Variants in PCDH15 observed in about 807,000 individuals in gnomAD.
PCDH15 encodes protocadherin related 15, also known as protocadherin-15.
PCDH15 carries 129 observed loss-of-function variants against 178.5 expected under a neutral mutation model. The ratio of observed to expected loss-of-function variants is 0.72; its 90% CI spans 0.63 to 0.84. The LOEUF (loss-of-function observed/expected upper bound fraction) is 0.84, where lower values mean the gene tolerates loss of function less well. Among genes scored for constraint, PCDH15 ranks in the 40% least tolerant of loss-of-function variants. The pLI is 0.00. For synonymous variants in PCDH15, 800 were observed against 732.0 expected (o/e 1.09, Z -1.50); for missense variants, 2,230 against 2,099.9 (o/e 1.06, Z -1.21).
At chr10:53,925,479 G>C (rs2084449213) in intron 25 of PCDH15, among the ~76,000 whole-genome samples, 1 of 152,206 alleles carries the variant, frequency 6.6e-6, no homozygotes, top group African/African-American at 2.4e-5. Flanking sequence ...CTCACCGCGA[G>C]GGTCCGCGGC....
rs772142681 is a variant in PCDH15 at position 55,391,245 on chromosome 10, C to CTTT, written c.-155-224597_-155-224595dup. ...TTGAATTTTTATGTTACAGAGACAG[C>CTTT]TTTTTTTTTTTTTTAACCTCATGAA... is the stretch of plus-strand genomic sequence containing the variant. On this transcript the variant is annotated intron_variant, in intron 2 of 5. Coordinates refer to the PCDH15 transcript ENST00000613346. Among the ~76,000 whole-genome samples, 295 of 143,900 alleles carry CTTT rather than the reference C, an allele frequency of 2.1e-3. 1 individual carries two copies. Among genetic ancestry groups the CTTT allele is most frequent in the African/African-American group, 5.5e-3 (216 of 39,454 alleles). 94.4% of individuals were successfully genotyped at this position (143,900 alleles called of 152,430 possible). A position where few individuals can be genotyped will look rare whatever the true frequency, so the allele number is the denominator to read the frequency against.
At chr10:55,552,928 C>A (rs189449590) in intron 2 of PCDH15, among the ~76,000 whole-genome samples, 2 of 151,582 alleles carry the variant, frequency 1.3e-5, no homozygotes, top group East Asian at 3.9e-4. Context: ...TCCATGTAAT[C>A]TTGTGAAGAA....
intron 6 of PCDH15, among the ~76,000 whole-genome samples, chr10:54,341,518 A>G (rs117353598): frequency 1.3e-5 from 2 of 152,280 alleles, no homozygotes; most frequent in East Asian, 3.9e-4. Flanking sequence ...CTCAGGTAGT[A>G]TCTTTATAGC....
At chr10:54,006,246 T>C (rs1028872620) in intron 20 of PCDH15, among the ~76,000 whole-genome samples, 2 of 152,162 alleles carry the variant, frequency 1.3e-5, no homozygotes, top group African/African-American at 4.8e-5. Flanking sequence ...TCTCCTGCTA[T>C]CACCAAGTTC....
At chr10:53,958,056 G>A (rs539789914) in intron 23 of PCDH15, among the ~76,000 whole-genome samples, 2 of 152,272 alleles carry the variant, frequency 1.3e-5, no homozygotes, top group South Asian at 2.1e-4. Flanking sequence ...AGTGGGTTAA[G>A]TGCTTGCAGA....
At chr10:54,879,008 A>G (rs1954207927) in intron 3 of PCDH15, among the ~76,000 whole-genome samples, 1 of 152,202 alleles carries the variant, frequency 6.6e-6, no homozygotes, top group African/African-American at 2.4e-5. Context: ...TTATAAAACT[A>G]CATCCTAGCA....
At chr10:55,058,527 T>G (rs769814027) in intron 2 of PCDH15, among the ~76,000 whole-genome samples, 4 of 152,114 alleles carry the variant, frequency 2.6e-5, no homozygotes, top group Non-Finnish European at 4.4e-5. Flanking sequence ...CTACTTTAAA[T>G]TGCAAACATC....
At chr10:54,150,778 GTTTCT>G (rs1257239252) in intron 14 of PCDH15, among the ~76,000 whole-genome samples, 4 of 151,562 alleles carry the variant, frequency 2.6e-5, no homozygotes, top group Non-Finnish European at 5.9e-5. Flanking sequence ...GTTTTTATTT[GTTTCT>G]TTTATGAAGT....
At chr10:55,031,618 T>C (rs1840612412) in intron 2 of PCDH15, among the ~76,000 whole-genome samples, 3 of 152,174 alleles carry the variant, frequency 2.0e-5, no homozygotes, top group South Asian at 4.1e-4. Flanking sequence ...ATTCAGATGT[T>C]GCCAATGTGA....
At chr10:55,104,692 T>C (rs532436166) in intron 2 of PCDH15, among the ~76,000 whole-genome samples, 9 of 152,354 alleles carry the variant, frequency 5.9e-5, no homozygotes, top group African/African-American at 2.2e-4. Flanking sequence ...TAGGTACTAC[T>C]GTACCTCAAT....
In PCDH15 at chr10:55,369,010, CAAAAAA is replaced by C. The variant is rs60906060; in HGVS notation, c.-155-202365_-155-202360del. On this transcript the variant is annotated intron_variant, in intron 2 of 5. Transcript: ENST00000613346. Reference sequence around the variant, plus strand: ...ATAGTCCTGATCTCATTTTTGGGACCAAAAAAAAAAAAAAAAAAAAAAACCCCAGCA... The same window carrying C: ...ATAGTCCTGATCTCATTTTTGGGACCAAAAAAAAAAAAAAAAACCCCAGCA... Among the ~76,000 whole-genome samples the C allele has an allele frequency of 1.5e-4, 13 of 86,180 alleles. No individual in the cohort carries two copies. In the South Asian group the frequency reaches 4.0e-3, roughly 26 times the overall value. The allele number at this position is 86,180 out of a possible 152,430, so 56.5% of individuals were successfully genotyped here.
At chr10:54,008,831 G>C (rs1589884931) in intron 20 of PCDH15, among the ~76,000 whole-genome samples, 1 of 152,038 alleles carries the variant, frequency 6.6e-6, no homozygotes, top group African/African-American at 2.4e-5. Flanking sequence ...AGTAAACCAA[G>C]GCAAATTTTT....
chr10:54,340,884 GC>G (rs1942097526), intron 6 of PCDH15, among the ~76,000 whole-genome samples: 2 of 151,974 alleles, frequency 1.3e-5, no homozygotes, highest in Admixed American at 6.6e-5. Flanking sequence ...AGGCATTTTT[GC>G]CTTACCAGTT....
At chr10:55,334,968 A>G (rs1191873859) in intron 2 of PCDH15, among the ~76,000 whole-genome samples, 1 of 152,172 alleles carries the variant, frequency 6.6e-6, no homozygotes, top group African/African-American at 2.4e-5. Context: ...GAATATTTTC[A>G]TTAATAAAAA....
At chr10:54,769,059 A>G (rs1256251988) in intron 1 of PCDH15, among the ~76,000 whole-genome samples, 2 of 152,176 alleles carry the variant, frequency 1.3e-5, no homozygotes, top group East Asian at 3.8e-4. Flanking sequence ...CAATCATTCA[A>G]ATGATTTAAA....
intron 2 of PCDH15, among the ~76,000 whole-genome samples, chr10:55,544,219 C>T (rs1841830918): frequency 7.1e-6 from 1 of 141,436 alleles, no homozygotes. Context: ...GCTGGTTACA[C>T]TTATACATGT....
At position 54,600,841 on chromosome 10, in the gene PCDH15, C is replaced by T. The variant is rs545535500; in HGVS notation, c.91+63331G>A. ...CTGCATGCAAGCTCAGTGTGCTCCC[C>T]CCTCAGTCTTTGGGGGATTCAAATG... On this transcript the variant is annotated intron_variant, in intron 2 of 37. Coordinates refer to ENST00000644397, the MANE Select transcript of PCDH15 (RefSeq NM_001384140.1). Among the ~76,000 whole-genome samples the T allele has an allele frequency of 1.5e-4, 23 of 152,026 alleles. No homozygotes were observed. In the South Asian group the frequency reaches 4.8e-3, roughly 32 times the overall value.
At chr10:54,114,851 G>A (rs962095575) in intron 15 of PCDH15, among the ~76,000 whole-genome samples, 5 of 152,118 alleles carry the variant, frequency 3.3e-5, no homozygotes, top group Admixed American at 1.3e-4. Context: ...AGGCTAGAGT[G>A]GAATCAGTGA....
intron 2 of PCDH15, among the ~76,000 whole-genome samples, chr10:54,975,259 G>A (rs1175074877): frequency 6.6e-6 from 1 of 152,106 alleles, no homozygotes; most frequent in Non-Finnish European, 1.5e-5. Flanking sequence ...ATATTCTTGA[G>A]GTCACTCCTT....
Sources: gnomAD v4.1 joint callset for allele counts (sites outside exome capture counted in the v4.1 genomes callset) on GRCh38, gnomAD v4.1.1 for gene constraint, MANE v1.5 for transcripts, NCBI Gene and HGNC (gene_info 2026-07-23, HGNC 2026-07-21) for gene names.